YY1: variants seen among roughly 807,000 people sequenced by gnomAD.
The protein encoded by YY1 is transcriptional repressor protein YY1.
A neutral mutation model predicts 35.6 loss-of-function variants in YY1; 2 were observed. That is an observed-to-expected ratio of 0.06 (90% CI 0.02 to 0.18). YY1 has a LOEUF of 0.18. Ranked by LOEUF, YY1 falls within the 10% of genes least tolerant of loss-of-function variation. The probability of loss-of-function intolerance (pLI) is 1.00; values close to 1 mark genes in which losing one functional copy is unlikely to be tolerated. For synonymous variants in YY1, 268 were observed against 238.9 expected (o/e 1.12, Z -1.12); for missense variants, 322 against 573.4 (o/e 0.56, Z 4.48).
At chr14:100,252,585 C>T (rs1247286784) in intron 1 of YY1, among the ~76,000 whole-genome samples, 1 of 152,122 alleles carries the variant, frequency 6.6e-6, no homozygotes, top group Admixed American at 6.5e-5. Flanking sequence ...GGTAGAAGTT[C>T]CTAACATGAT....
chr14:100,247,171 A>G (rs769469918), intron 1 of YY1, among the ~76,000 whole-genome samples: 13 of 152,130 alleles, frequency 8.5e-5, no homozygotes, highest in African/African-American at 3.1e-4. Flanking sequence ...AGGCATTTCT[A>G]TTTTGTTTTT....
chr14:100,274,817 T>C (rs1391215589), intron 3 of YY1, 59 bp downstream of exon 3: 4 of 1,535,044 alleles, frequency 2.6e-6, no homozygotes, highest in Non-Finnish European at 3.6e-6. Context: ...TAGAGAGTTA[T>C]AAGAAATTTG....
At chr14:100,241,700 C>T (rs1356293708) in intron 1 of YY1, among the ~76,000 whole-genome samples, 1 of 152,130 alleles carries the variant, frequency 6.6e-6, no homozygotes, top group Non-Finnish European at 1.5e-5. Flanking sequence ...TTTGGCCGGG[C>T]GCGGTGGCTC....
chr14:100,244,736 T>C (rs1245616064), intron 1 of YY1, among the ~76,000 whole-genome samples: 1 of 151,200 alleles, frequency 6.6e-6, no homozygotes, highest in Non-Finnish European at 1.5e-5. Context: ...GCTAATGTTT[T>C]AATTTTTTAG....
intron 2 of YY1, among the ~76,000 whole-genome samples, chr14:100,264,720 A>G (rs992980388): frequency 6.6e-6 from 1 of 152,218 alleles, no homozygotes; most frequent in African/African-American, 2.4e-5. Context: ...AGATTCATAC[A>G]GGCACAGGAA....
rs1371202814 is a variant in YY1, at chr14:100,281,013, T to TC, written c.*3414dup. Reference sequence around the variant, plus strand: ...AGGCGGAGCTTGCAGTGAGCCGAGATCGCACCACTGCACTCCAGCCTGGGT... The same window carrying TC: ...AGGCGGAGCTTGCAGTGAGCCGAGATCCGCACCACTGCACTCCAGCCTGGGT... On this transcript the variant is annotated 3_prime_UTR_variant, in exon 5 of 5. Coordinates refer to ENST00000262238, the MANE Select transcript of YY1 (RefSeq NM_003403.5). 6 of 123,622 alleles carry TC rather than the reference T, an allele frequency of 4.9e-5. No homozygotes were observed. Among genetic ancestry groups the TC allele is most frequent in the Non-Finnish European group, 1.6e-5 (1 of 64,050 alleles). The allele number at this position is 123,622 out of a possible 1,614,324, so 7.7% of individuals were successfully genotyped here.
Position 100,239,760 on chromosome 14 carries a change from CAAG to C in YY1, c.520_522del (p.Lys174del), listed in dbSNP as rs1477680889. 1.9e-6 allele frequency: 3 copies of C among 1,578,886 alleles called. No individual in the cohort carries two copies. The highest frequency in any genetic ancestry group is 1.4e-5 in the African/African-American group (1 of 72,802). ...CGTCGTCGTCGGGAGGCGGCCGCGT[CAAG>C]AAGGGCGGCGGCAAGAAGAGCGGCA... On this transcript the variant is annotated inframe_deletion, in exon 1 of 5. Transcript: ENST00000262238.
At chr14:100,271,608 T>TA (rs1291874257) in intron 2 of YY1, among the ~76,000 whole-genome samples, 1 of 152,184 alleles carries the variant, frequency 6.6e-6, no homozygotes. Flanking sequence ...CGGGTTTAAA[T>TA]ACGAAATTTG....
rs761956344 is a variant in YY1, at chr14:100,239,382, G to T, written c.138G>T (p.Glu46Asp). The T allele has an allele frequency of 6.2e-7, 1 of 1,600,970 alleles. No individual in the cohort carries two copies. The highest frequency in any genetic ancestry group is 1.3e-5 in the African/African-American group (1 of 74,558). Residue 46 changes from glutamate to aspartate, a missense_variant, in exon 1 of 5, where the codon GAG becomes GAT. Glu to Asp is a conservative substitution (Grantham distance 45). Transcript: ENST00000262238. ...IETTVVGEEE[E>D]EDDDDEDGGG... is the part of the protein sequence containing the mutation. ...CCACAGTGGTGGGCGAGGAGGAGGA[G>T]GAGGACGACGACGACGAGGACGGCG...
At chr14:100,255,138 G>T (rs1448857474) in intron 1 of YY1, among the ~76,000 whole-genome samples, 1 of 151,648 alleles carries the variant, frequency 6.6e-6, no homozygotes, top group Non-Finnish European at 1.5e-5. Flanking sequence ...TTTCTGTGCA[G>T]TGGTCTTTGG....
intron 2 of YY1, among the ~76,000 whole-genome samples, chr14:100,273,265 A>G (rs781132910): frequency 2.0e-5 from 3 of 150,110 alleles, no homozygotes; most frequent in African/African-American, 4.9e-5. Flanking sequence ...ACGCCCAGCT[A>G]TGGTTTTTTA....
At chr14:100,274,383 GGA>G (rs1181714821) in intron 2 of YY1, among the ~76,000 whole-genome samples, 2 of 152,110 alleles carry the variant, frequency 1.3e-5, no homozygotes, top group Non-Finnish European at 2.9e-5. Flanking sequence ...TAAAGGGTTT[GGA>G]GTTAAGAACA....
intron 1 of YY1, among the ~76,000 whole-genome samples, chr14:100,259,620 T>C (rs183156112): frequency 3.3e-5 from 5 of 152,108 alleles, no homozygotes; most frequent in African/African-American, 1.2e-4. Flanking sequence ...GAATCAAGAC[T>C]GAACTGATAA....
At chr14:100,260,944 C>T (rs10131769) in intron 1 of YY1, among the ~76,000 whole-genome samples, 38,957 of 150,962 alleles carry the variant, frequency 0.26, 5,102 homozygotes, top group Middle Eastern at 0.36. Flanking sequence ...TACAGGCATG[C>T]ACCCCATGCC....
At chr14:100,244,513 T>C (rs1382646208) in intron 1 of YY1, among the ~76,000 whole-genome samples, 1 of 151,006 alleles carries the variant, frequency 6.6e-6, no homozygotes, top group Non-Finnish European at 1.5e-5. Context: ...GAACTCCTGA[T>C]CTCAGGTGAT....
intron 1 of YY1, among the ~76,000 whole-genome samples, chr14:100,241,696 C>T (rs150861132): frequency 2.2e-4 from 33 of 152,250 alleles, no homozygotes; most frequent in African/African-American, 7.2e-4. Context: ...TGGTTTTGGC[C>T]GGGCGCGGTG....
intron 1 of YY1, among the ~76,000 whole-genome samples, chr14:100,256,843 G>T (rs915684353): frequency 6.6e-6 from 1 of 151,042 alleles, no homozygotes; most frequent in Non-Finnish European, 1.5e-5. Context: ...AAGTATTATG[G>T]TAATGTATAT....
In YY1 at chr14:100,239,450, GCCACCACCA is replaced by G. The variant is rs76675246; in HGVS notation, c.216_224del (p.His78_His80del). ...GGCGGGGGCGGCCACGGGCACGCCG[GCCACCACCA>G]CCACCACCATCACCACCACCACCAC... On this transcript the variant is annotated inframe_deletion, in exon 1 of 5. Coordinates refer to ENST00000262238, the MANE Select transcript of YY1 (RefSeq NM_003403.5). 248 of 1,595,220 alleles carry G rather than the reference GCCACCACCA, an allele frequency of 1.6e-4. No individual in the cohort carries two copies. The highest frequency in any genetic ancestry group is 7.3e-4 in the East Asian group (32 of 43,954).
intron 2 of YY1, among the ~76,000 whole-genome samples, chr14:100,272,307 AAAG>A (rs1275969896): frequency 2.0e-5 from 3 of 151,056 alleles, no homozygotes; most frequent in East Asian, 1.9e-4. Flanking sequence ...AAAAAAAAAA[AAAG>A]AAAGAAAAGG....
Sources: gnomAD v4.1 joint callset for allele counts (sites outside exome capture counted in the v4.1 genomes callset) on GRCh38, gnomAD v4.1.1 for gene constraint, MANE v1.5 for transcripts, NCBI Gene and HGNC (gene_info 2026-07-23, HGNC 2026-07-21) for gene names.